MAP3K19: variants seen among roughly 807,000 people sequenced by gnomAD.
MAP3K19 encodes the protein mitogen-activated protein kinase kinase kinase 19.
Under a neutral mutation model 114.4 loss-of-function variants are expected in MAP3K19, and 91 were observed. The observed-to-expected ratio is 0.80, with a 90% CI of 0.67 to 0.95. The LOEUF (loss-of-function observed/expected upper bound fraction) is 0.95. Ranked by LOEUF, MAP3K19 falls within the 40% of genes least tolerant of loss-of-function variation. The probability of loss-of-function intolerance (pLI) is 0.00; values close to 1 mark genes in which losing one functional copy is unlikely to be tolerated. For synonymous variants in MAP3K19, 518 were observed against 530.5 expected, an observed-to-expected ratio of 0.98 and a Z score of 0.32; for missense variants, 1,471 against 1,573.2, an observed-to-expected ratio of 0.94 and a Z score of 1.10.
rs1685194791 is a variant in MAP3K19, at chr2:134,987,133, A to G, written c.1739T>C (p.Val580Ala). Residue 580 changes from valine (V) to alanine (A), a missense_variant, in exon 10 of 13, where the codon GTG (valine) becomes GCG (alanine). Transcript: ENST00000392915. ...GGGCAATTGCCAAGGCCTGGGGTCCACAAGTCCCAAAGCCGGGAAAATTTG... is the reference window on the plus strand; with the variant it reads ...GGGCAATTGCCAAGGCCTGGGGTCCGCAAGTCCCAAAGCCGGGAAAATTTG... Reference protein sequence around the residue: ...KTQIFPALGLVDPRPWQLPRF... With the variant: ...KTQIFPALGLADPRPWQLPRF... 1 of 1,613,960 alleles carries G rather than the reference A, an allele frequency of 6.2e-7. No homozygotes were observed. The highest frequency in any genetic ancestry group is 8.5e-7 in the Non-Finnish European group (1 of 1,180,034).
At chr2:135,004,958 A>G (rs1686711462) in intron 6 of MAP3K19, among the ~76,000 whole-genome samples, 1 of 152,194 alleles carries the variant, frequency 6.6e-6, no homozygotes, top group Non-Finnish European at 1.5e-5. Context: ...AGACAAAAAG[A>G]AATGGACAGG....
In MAP3K19 at chr2:134,988,002, G is replaced by A; in HGVS notation, c.870C>T (p.Cys290=). The part of the protein sequence containing the change: ...SDGFIWSRNM[C]SFPKTNHHRQ... ...TGTGATGGTTAGTCTTAGGAAAAGAGCACATGTTTCTTGACCAAATGAAGC... is the reference window on the plus strand; with the variant it reads ...TGTGATGGTTAGTCTTAGGAAAAGAACACATGTTTCTTGACCAAATGAAGC... The change falls in exon 10 of 13, where the codon TGC becomes TGT. Residue 290 remains cysteine, a synonymous_variant. Transcript: ENST00000392915. The A allele has an allele frequency of 6.2e-7, 1 of 1,614,200 alleles. No individual in the cohort carries two copies. The highest frequency in any genetic ancestry group is 8.5e-7 in the Non-Finnish European group (1 of 1,180,050).
Position 134,983,841 on chromosome 2 carries a change from AAAAGG to A in MAP3K19, c.3073-21_3073-17del, listed in dbSNP as rs769897704. ...TACTATGCCTCTGGAAGAATGAGAC[AAAAGG>A]AAAGATGACCATTAAACCAAGTCAC... On this transcript the variant is annotated splice_polypyrimidine_tract_variant and intron_variant, in intron 10 of 12. Coordinates refer to ENST00000392915, the MANE Select transcript of MAP3K19 (RefSeq NM_025052.5). The A allele has an allele frequency of 2.6e-6, 4 of 1,543,240 alleles. No individual in the cohort carries two copies. The South Asian group carries it at 5.0e-5, about 19-fold the overall frequency.
At chr2:135,042,977 G>GGAGGCA (rs1330784846) in intron 1 of MAP3K19, among the ~76,000 whole-genome samples, 1 of 152,068 alleles carries the variant, frequency 6.6e-6, no homozygotes, top group Non-Finnish European at 1.5e-5. Flanking sequence ...CAGCTACTCA[G>GGAGGCA]GAGGCAGAGG....
At chr2:134,998,633 G>A in intron 8 of MAP3K19, 105 bp downstream of exon 8, 1 of 1,217,884 alleles carries the variant, frequency 8.2e-7, no homozygotes, top group Non-Finnish European at 1.1e-6. Context: ...GTTATTTTCT[G>A]GTATGTTCAC....
At chr2:135,007,225 T>C (rs1168293074) in intron 5 of MAP3K19, among the ~76,000 whole-genome samples, 1 of 152,164 alleles carries the variant, frequency 6.6e-6, no homozygotes, top group Admixed American at 6.5e-5. Context: ...ATTTTAGGTA[T>C]TCAATCATAA....
At chr2:135,015,317 T>A (rs998679229) in intron 5 of MAP3K19, among the ~76,000 whole-genome samples, 1 of 152,222 alleles carries the variant, frequency 6.6e-6, no homozygotes, top group African/African-American at 2.4e-5. Flanking sequence ...TCTTTTAATA[T>A]ATTTTGTTGG....
intron 1 of MAP3K19, among the ~76,000 whole-genome samples, chr2:135,045,237 G>A (rs553211695): frequency 3.3e-5 from 5 of 152,160 alleles, no homozygotes; most frequent in Admixed American, 2.0e-4. Flanking sequence ...AGAAGCAGAC[G>A]TTTAGTTGAT....
chr2:134,984,928 G>C (rs950649250), intron 10 of MAP3K19, among the ~76,000 whole-genome samples: 3 of 152,128 alleles, frequency 2.0e-5, no homozygotes, highest in Admixed American at 2.0e-4. Context: ...CTCCAGCCTG[G>C]GCAATAGAGC....
intron 9 of MAP3K19, 186 bp downstream of exon 9, chr2:134,991,351 T>C (rs1685561498): frequency 1.6e-6 from 1 of 620,734 alleles, no homozygotes; most frequent in Non-Finnish European, 2.9e-6. Flanking sequence ...CGGTAGGCTA[T>C]TAGTAGCTAA....
At chr2:135,025,270 C>A (rs1688207737) in intron 3 of MAP3K19, among the ~76,000 whole-genome samples, 2 of 149,644 alleles carry the variant, frequency 1.3e-5, no homozygotes, top group Non-Finnish European at 3.0e-5. Context: ...GGCATAGAAT[C>A]TTCTCTTTAA....
Position 134,985,677 on chromosome 2 carries a change from C to T in MAP3K19, c.3072+123G>A, listed in dbSNP as rs968694862. 4 of 868,566 alleles carry T rather than the reference C, an allele frequency of 4.6e-6. No individual in the cohort carries two copies. The African/African-American group carries it at 6.9e-5, about 15-fold the overall frequency. 53.8% of individuals were successfully genotyped at this position (868,566 alleles called of 1,614,324 possible). On this transcript the variant is annotated intron_variant, in intron 10 of 12. Transcript: ENST00000392915. ...CCAACCTTGTGATCAAACAGTGAGA[C>T]CTTGAAAAAACTATTTAATTGTTTA...
At chr2:135,006,954 G>A (rs1317558813) in intron 5 of MAP3K19, among the ~76,000 whole-genome samples, 1 of 151,788 alleles carries the variant, frequency 6.6e-6, no homozygotes, top group Non-Finnish European at 1.5e-5. Context: ...GAGATGGGTG[G>A]ATTGCTTGAG....
chr2:135,025,372 C>CTTTTTTTTTTTT lies in MAP3K19; in HGVS notation c.-94-632_-94-631insAAAAAAAAAAAA, dbSNP rs1054458367. Among the ~76,000 whole-genome samples the CTTTTTTTTTTTT allele has an allele frequency of 5.7e-5, 4 of 70,138 alleles. 2 individuals are homozygous for CTTTTTTTTTTTT. The highest frequency in any genetic ancestry group is 5.2e-5 in the Non-Finnish European group (2 of 38,492). The allele number at this position is 70,138 out of a possible 152,430, so 46.0% of individuals were successfully genotyped here. On this transcript the variant is annotated intron_variant, in intron 3 of 12. Transcript: ENST00000392915. ...AGTGTGCCTCTCCACATGGCCTTTT[C>CTTTTTTTTTTTT]TTTTCTTTTTTTTTTTTTTTTTTTT...
chr2:134,980,799 C>T (rs757528943), intron 12 of MAP3K19, 22 bp downstream of exon 12: 23 of 1,597,690 alleles, frequency 1.4e-5, no homozygotes, highest in Non-Finnish European at 1.8e-5. Context: ...TTATCTTCCT[C>T]CTCTTGCTTT....
Position 134,981,052 on chromosome 2 carries a change from GT to G in MAP3K19, c.3688del (p.Thr1230LeufsTer56). On this transcript the variant is annotated frameshift_variant, in exon 12 of 13. Coordinates refer to ENST00000392915, the MANE Select transcript of MAP3K19 (RefSeq NM_025052.5). LOFTEE classifies it high-confidence loss of function. ...GACTTCTGGGGCCATCCAATATGGA[GT>G]CCCATGCATGGACTTAAGCATGTCA... ...HSDMLKSMHG[T>X]PYWMAPEVIN... 1 of 1,614,226 alleles carries G rather than the reference GT, an allele frequency of 6.2e-7. No homozygotes were observed. Among genetic ancestry groups the G allele is most frequent in the Non-Finnish European group, 8.5e-7 (1 of 1,180,036 alleles).
chr2:134,969,663 A>G (rs1196809628), intron 12 of MAP3K19, among the ~76,000 whole-genome samples: 1 of 152,210 alleles, frequency 6.6e-6, no homozygotes, highest in Admixed American at 6.5e-5. Context: ...AAAACCAAAA[A>G]TAGACAAATG....
At chr2:135,003,363 C>T (rs1481573449) in intron 6 of MAP3K19, among the ~76,000 whole-genome samples, 1 of 152,088 alleles carries the variant, frequency 6.6e-6, no homozygotes, top group Non-Finnish European at 1.5e-5. Flanking sequence ...TTAACCCAAC[C>T]AAGAGTAGGT....
Position 134,985,976 on chromosome 2 carries a change from T to G in MAP3K19, c.2896A>C (p.Thr966Pro). The change falls in exon 10 of 13, where the codon ACA becomes CCA. Residue 966 changes from threonine to proline, a missense_variant. Transcript: ENST00000392915. ...GCTAGACAACCTAATAGTTCATCTGTCAATTCTTCATTATTTACAGAGTCC... is the reference window on the plus strand; with the variant it reads ...GCTAGACAACCTAATAGTTCATCTGGCAATTCTTCATTATTTACAGAGTCC... The part of the protein sequence containing the change: ...IMDSVNNEEL[T>P]DELLGCLAAE... 1.2e-6 allele frequency: 2 copies of G among 1,613,880 alleles called. No individual in the cohort carries two copies. Among genetic ancestry groups the G allele is most frequent in the Non-Finnish European group, 1.7e-6 (2 of 1,179,908 alleles).
Sources: gnomAD v4.1 joint callset for allele counts (sites outside exome capture counted in the v4.1 genomes callset) on GRCh38, gnomAD v4.1.1 for gene constraint, MANE v1.5 for transcripts, NCBI Gene and HGNC (gene_info 2026-07-23, HGNC 2026-07-21) for gene names.